KIAA1755: variants seen among roughly 807,000 people sequenced by gnomAD.
KIAA1755 encodes KIAA1755, also known as uncharacterized protein KIAA1755.
In KIAA1755, 68 loss-of-function variants were observed where a neutral mutation model predicts 91.7. The observed-to-expected ratio is 0.74, with a 90% confidence interval of 0.61 to 0.91. KIAA1755 has a LOEUF of 0.91. Among genes scored for constraint, KIAA1755 ranks in the 40% least tolerant of loss-of-function variants. KIAA1755 has a pLI of 0.00. For synonymous variants in KIAA1755, 610 were observed against 604.6 expected, an observed-to-expected ratio of 1.01 and a Z score of -0.13; for missense variants, 1,535 against 1,494.4, an observed-to-expected ratio of 1.03 and a Z score of -0.45.
chr20:38,241,724 A>C lies in KIAA1755; in HGVS notation c.407T>G (p.Val136Gly), dbSNP rs755585692. The C allele has an allele frequency of 4.3e-6, 7 of 1,614,128 alleles. No individual in the cohort carries two copies. The highest frequency in any genetic ancestry group is 1.3e-5 in the African/African-American group (1 of 74,936). ...LDLCTVDKKP[V>G]PEPAYPILFT... ...AAGTATAGGGTAGGCTGGCTCTGGA[A>C]CAGGCTTCTTGTCCACTGTGCAGAG... is the stretch of plus-strand genomic sequence containing the variant. Residue 136 changes from valine (V) to glycine (G), a missense_variant, in exon 3 of 14, where the codon GTT (valine) becomes GGT (glycine). Physicochemically the swap from Val to Gly is moderately radical, Grantham distance 109. Transcript: ENST00000279024.
intron 12 of KIAA1755, chr20:38,217,697 C>T: frequency 1.7e-6 from 1 of 586,396 alleles, no homozygotes; most frequent in Admixed American, 3.1e-5. Context: ...TGGAAGTCTC[C>T]AGGCCCTCGC....
intron 1 of KIAA1755, among the ~76,000 whole-genome samples, chr20:38,254,631 T>C (rs796271876): frequency 5.3e-5 from 8 of 151,228 alleles, no homozygotes; most frequent in African/African-American, 1.9e-4. Context: ...CTATAAAAAA[T>C]AGGAAAACTT....
intron 11 of KIAA1755, 147 bp downstream of exon 11, chr20:38,219,483 A>T: frequency 9.8e-7 from 1 of 1,017,906 alleles, no homozygotes; most frequent in Non-Finnish European, 1.4e-6. Context: ...CGCCCCAAGG[A>T]TGCCTGCCTG....
In KIAA1755 at chr20:38,213,535, G is replaced by C; in HGVS notation, c.3110C>G (p.Ala1037Gly). 6.2e-7 allele frequency: 1 copy of C among 1,609,978 alleles called. No homozygotes were observed. Among genetic ancestry groups the C allele is most frequent in the South Asian group, 1.1e-5 (1 of 90,706 alleles). Residue 1037 changes from alanine to glycine, a missense_variant, in exon 14 of 14, where the codon GCC (alanine) becomes GGC (glycine). Physicochemically the swap from Ala to Gly is moderately conservative, Grantham distance 60 (BLOSUM62 0). Coordinates refer to ENST00000279024, the MANE Select transcript of KIAA1755 (RefSeq NM_001029864.2). ...AGLGQELWEE[A>G]RIRHEEIRML... ...CCGGATCTCCTCATGCCTGATCCGG[G>C]CCTCCTCCCATAGCTCCTGGCCCAG...
chr20:38,223,727 G>A (rs1233025963), intron 8 of KIAA1755, 91 bp from the exon 9 acceptor site: 6 of 901,734 alleles, frequency 6.7e-6, no homozygotes, highest in Non-Finnish European at 1.0e-5. Flanking sequence ...GGAGGTGGGA[G>A]GCAGTGGCTC....
intron 1 of KIAA1755, among the ~76,000 whole-genome samples, chr20:38,258,731 A>G (rs2076382876): frequency 1.3e-5 from 2 of 152,182 alleles, no homozygotes; most frequent in South Asian, 2.1e-4. Flanking sequence ...CTCGCAAGCA[A>G]GGCTGGAGTG....
At chr20:38,218,832 G>A (rs1374182019) in intron 11 of KIAA1755, among the ~76,000 whole-genome samples, 1 of 152,194 alleles carries the variant, frequency 6.6e-6, no homozygotes, top group Non-Finnish European at 1.5e-5. Flanking sequence ...CTCACCATGT[G>A]AACATGGTAA....
rs1240404759 is a variant in KIAA1755, at chr20:38,222,607, T to C, written c.2269-10A>G. 2.5e-6 allele frequency: 4 copies of C among 1,610,892 alleles called. No individual in the cohort carries two copies. Among genetic ancestry groups the C allele is most frequent in the Non-Finnish European group, 2.5e-6 (3 of 1,179,876 alleles). On this transcript the variant is annotated splice_polypyrimidine_tract_variant and intron_variant, in intron 9 of 13. Transcript: ENST00000279024. Reference sequence around the variant, plus strand: ...GGCACCTGGTAGCCTCCTGCCAGCGTAGGGAGGTGCCCTGAGGCCCCATCC... The same window carrying C: ...GGCACCTGGTAGCCTCCTGCCAGCGCAGGGAGGTGCCCTGAGGCCCCATCC...
At position 38,213,679 on chromosome 20, in the gene KIAA1755, C is replaced by T. The variant is rs1156834787; in HGVS notation, c.2966G>A (p.Arg989Lys). ...MAQLRLDKTS[R>K]VSPGDQRRLH... Reference sequence around the variant, plus strand: ...GCGGCGCTGGTCCCCAGGACTGACCCTTGAGGTCTTGTCCAGCCTGAGCTG... The same window carrying T: ...GCGGCGCTGGTCCCCAGGACTGACCTTTGAGGTCTTGTCCAGCCTGAGCTG... Residue 989 changes from arginine to lysine, a missense_variant, in exon 14 of 14, where the codon AGG becomes AAG. Coordinates refer to ENST00000279024, the MANE Select transcript of KIAA1755 (RefSeq NM_001029864.2). 1 of 1,575,388 alleles carries T rather than the reference C, an allele frequency of 6.3e-7. No homozygotes were observed. Among genetic ancestry groups the T allele is most frequent in the Non-Finnish European group, 8.6e-7 (1 of 1,160,390 alleles).
intron 2 of KIAA1755, among the ~76,000 whole-genome samples, chr20:38,242,840 T>G (rs1389100492): frequency 1.3e-5 from 2 of 152,258 alleles, no homozygotes; most frequent in African/African-American, 4.8e-5. Flanking sequence ...AAATGAAGGC[T>G]TATTTGTTTA....
At chr20:38,256,416 T>C (rs1369048820) in intron 1 of KIAA1755, among the ~76,000 whole-genome samples, 2 of 152,248 alleles carry the variant, frequency 1.3e-5, no homozygotes, top group South Asian at 2.1e-4. Flanking sequence ...CTTTCTGCCA[T>C]GTTCACATAT....
At chr20:38,221,192 G>A (rs1393212567) in intron 10 of KIAA1755, among the ~76,000 whole-genome samples, 7 of 152,192 alleles carry the variant, frequency 4.6e-5, no homozygotes, top group Admixed American at 3.3e-4. Context: ...AGGGAGGGAC[G>A]GAGGGACGGG....
rs1258344915 is a variant in KIAA1755, at chr20:38,211,478, G to A, written c.*1564C>T. On this transcript the variant is annotated 3_prime_UTR_variant, in exon 14 of 14. Coordinates refer to ENST00000279024, the MANE Select transcript of KIAA1755 (RefSeq NM_001029864.2). Reference sequence around the variant, plus strand: ...GCCACTCTGGCCAGTATGAAGGGTGGGGCTTCTGGATGCTCCATCTAAGAT... The same window carrying A: ...GCCACTCTGGCCAGTATGAAGGGTGAGGCTTCTGGATGCTCCATCTAAGAT... 1 of 152,388 alleles carries A rather than the reference G, an allele frequency of 6.6e-6. No individual in the cohort carries two copies. The highest frequency in any genetic ancestry group is 1.5e-5 in the Non-Finnish European group (1 of 68,188). The allele number at this position is 152,388 out of a possible 1,614,324, so 9.4% of individuals were successfully genotyped here. A position where few individuals can be genotyped will look rare whatever the true frequency, so the allele number is the denominator to read the frequency against.
chr20:38,259,757 A>C (rs554461514), intron 1 of KIAA1755, among the ~76,000 whole-genome samples: 1 of 151,118 alleles, frequency 6.6e-6, no homozygotes, highest in East Asian at 2.0e-4. Flanking sequence ...CTCCAAAAAC[A>C]GACTTTTCTT....
At chr20:38,256,477 G>A (rs1017111476) in intron 1 of KIAA1755, among the ~76,000 whole-genome samples, 1 of 152,156 alleles carries the variant, frequency 6.6e-6, no homozygotes. Flanking sequence ...TTTACTTAAC[G>A]TTTGACTTTT....
chr20:38,232,253 A>T (rs145349211), intron 4 of KIAA1755, among the ~76,000 whole-genome samples: 180 of 152,298 alleles, frequency 1.2e-3, no homozygotes, highest in African/African-American at 4.0e-3. Context: ...CACCTTCACA[A>T]GTGCCGCCTC....
At position 38,260,603 on chromosome 20, in the gene KIAA1755, C is replaced by G; in HGVS notation, c.-103G>C. 7.1e-7 allele frequency: 1 copy of G among 1,413,090 alleles called. No homozygotes were observed. The highest frequency in any genetic ancestry group is 9.3e-7 in the Non-Finnish European group (1 of 1,078,594). 87.5% of individuals were successfully genotyped at this position (1,413,090 alleles called of 1,614,324 possible). The stretch of plus-strand genomic sequence containing the variant: ...TGGGGCAGCCCTCGGTCCCGCCTAG[C>G]CCTGGAGCCAGGGGATAGGGCAGGC... On this transcript the variant is annotated 5_prime_UTR_variant, in exon 1 of 14. Coordinates refer to ENST00000279024, the MANE Select transcript of KIAA1755 (RefSeq NM_001029864.2).
intron 7 of KIAA1755, 26 bp from the exon 8 acceptor site, chr20:38,225,807 C>T: frequency 7.1e-7 from 1 of 1,415,934 alleles, no homozygotes; most frequent in East Asian, 2.4e-5. Flanking sequence ...TCAGGAGAAC[C>T]AGGGACTCAA....
chr20:38,259,643 C>T (rs1232749654), intron 1 of KIAA1755, among the ~76,000 whole-genome samples: 1 of 151,458 alleles, frequency 6.6e-6, no homozygotes, highest in Non-Finnish European at 1.5e-5. Flanking sequence ...GTCACAGTCA[C>T]AGGGTTAAAG....
Sources: gnomAD v4.1 joint callset for allele counts (sites outside exome capture counted in the v4.1 genomes callset) on GRCh38, gnomAD v4.1.1 for gene constraint, MANE v1.5 for transcripts, NCBI Gene and HGNC (gene_info 2026-07-23, HGNC 2026-07-21) for gene names.